The following ST3GAL4 variants were observed in gnomAD, a reference collection of about 807,000 sequenced individuals.
The protein encoded by ST3GAL4 is ST3 beta-galactoside alpha-2,3-sialyltransferase 4.
ST3GAL4 carries 24 observed loss-of-function variants against 42.6 expected under a neutral mutation model. The ratio of observed to expected loss-of-function variants is 0.56; its 90% CI spans 0.41 to 0.79. ST3GAL4 has a LOEUF of 0.79. ST3GAL4 is among the 30% of genes least tolerant of loss of function. The probability of loss-of-function intolerance (pLI) is 0.00; values close to 1 mark genes in which losing one functional copy is unlikely to be tolerated. For missense variants in ST3GAL4, 311 were observed against 430.8 expected, an observed-to-expected ratio of 0.72 and a Z score of 2.46; for synonymous variants, 135 against 163.2, an observed-to-expected ratio of 0.83 and a Z score of 1.32.
chr11:126,404,189 T>C (rs2135533575), intron 1 of ST3GAL4, among the ~76,000 whole-genome samples: 1 of 152,256 alleles, frequency 6.6e-6, no homozygotes, highest in African/African-American at 2.4e-5. Flanking sequence ...GATTCTGATT[T>C]TATAGGTCTG....
rs1380732006 is a variant in ST3GAL4 at position 126,398,061 on chromosome 11, T to TA, written c.-60-8033dup. ...GTAGAATACATTTGCTTCTTACCTA[T>TA]AATCCCAAATTCTTATTTGTTTCAG... On this transcript the variant is annotated intron_variant, in intron 1 of 10. Transcript: ENST00000444328. This position sits in a 1 kb window ranked among gnomAD's most constrained non-coding sequence, Gnocchi z 4.7. 6.6e-6 allele frequency among the ~76,000 whole-genome samples: 1 copy of TA among 152,228 alleles called. No homozygotes were observed. Among genetic ancestry groups the TA allele is most frequent in the East Asian group, 1.9e-4 (1 of 5,200 alleles).
intron 1 of ST3GAL4, among the ~76,000 whole-genome samples, chr11:126,374,537 T>G (rs1481688865): frequency 2.6e-5 from 4 of 150,956 alleles, no homozygotes. Flanking sequence ...CGGAAAAGCA[T>G]TCTTGACTGA....
chr11:126,405,292 C>G (rs1055690900), intron 1 of ST3GAL4, among the ~76,000 whole-genome samples: 2 of 152,220 alleles, frequency 1.3e-5, no homozygotes, highest in East Asian at 1.9e-4. Context: ...TGTGAGGAAG[C>G]CTCTGCTTGT....
intron 9 of ST3GAL4, among the ~76,000 whole-genome samples, chr11:126,412,658 G>A (rs1954582015): frequency 6.6e-6 from 1 of 152,196 alleles, no homozygotes; most frequent in African/African-American, 2.4e-5. Flanking sequence ...CCTGGGCAAC[G>A]TGGTGAAACC....
At position 126,397,112 on chromosome 11, in the gene ST3GAL4, C is replaced by G. The variant is rs964687790; in HGVS notation, c.-60-8984C>G. On this transcript the variant is annotated intron_variant, in intron 1 of 10. Coordinates refer to ENST00000444328, the MANE Select transcript of ST3GAL4 (RefSeq NM_001254757.2). This position sits in a 1 kb window ranked among gnomAD's most constrained non-coding sequence, Gnocchi z 5.0. ...CAGAGATTGAGAGATCCTGGTTTCG[C>G]GTTTTGAGCGTGCAGTACATTTCAG... Among the ~76,000 whole-genome samples the G allele has an allele frequency of 6.6e-6, 1 of 152,050 alleles. No individual in the cohort carries two copies. The highest frequency in any genetic ancestry group is 2.4e-5 in the African/African-American group (1 of 41,318).
rs769805063 is a variant in ST3GAL4, at chr11:126,379,540, C to T, written c.-61+23698C>T. ...TTGCCCAGGCTGCAGTGCAGTGGCA[C>T]GATCTTGGCTCACTGCAACCTCCAC... is the stretch of plus-strand genomic sequence containing the variant. On this transcript the variant is annotated intron_variant, in intron 1 of 10. Transcript: ENST00000444328. The surrounding 1 kb of genome is among the most constrained non-coding windows in gnomAD (Gnocchi z 4.2). Among the ~76,000 whole-genome samples the T allele has an allele frequency of 2.0e-5, 3 of 152,084 alleles. No homozygotes were observed. The highest frequency in any genetic ancestry group is 2.4e-5 in the African/African-American group (1 of 41,400).
In ST3GAL4 at chr11:126,379,468, T is replaced by G. The variant is rs959392732; in HGVS notation, c.-61+23626T>G. On this transcript the variant is annotated intron_variant, in intron 1 of 10. Transcript: ENST00000444328. This position sits in a 1 kb window ranked among gnomAD's most constrained non-coding sequence, Gnocchi z 4.2. Reference sequence around the variant, plus strand: ...GATTTCTCTTGGGTATCCTTAATTTTGTTTTTATATTATTATTATTATTAT... The same window carrying G: ...GATTTCTCTTGGGTATCCTTAATTTGGTTTTTATATTATTATTATTATTAT... 6.6e-6 allele frequency among the ~76,000 whole-genome samples: 1 copy of G among 152,174 alleles called. No homozygotes were observed. Among genetic ancestry groups the G allele is most frequent in the Non-Finnish European group, 1.5e-5 (1 of 68,042 alleles).
intron 1 of ST3GAL4, among the ~76,000 whole-genome samples, chr11:126,390,510 G>A (rs1432627594): frequency 6.6e-6 from 1 of 151,620 alleles, no homozygotes; most frequent in Non-Finnish European, 1.5e-5. Context: ...GTGGAAATGA[G>A]ATTTGGTTTT....
intron 1 of ST3GAL4, among the ~76,000 whole-genome samples, chr11:126,370,484 A>AT (rs1487724135): frequency 1.3e-5 from 2 of 152,176 alleles, no homozygotes; most frequent in African/African-American, 4.8e-5. Context: ...GTAGACTTGC[A>AT]TGAGTATGTT....
chr11:126,368,295 A>G (rs78532575), intron 1 of ST3GAL4, among the ~76,000 whole-genome samples: 1 of 152,092 alleles, frequency 6.6e-6, no homozygotes, highest in Admixed American at 6.6e-5. Context: ...ATCAGGAGTC[A>G]GTGACCAGCC....
rs971189268 is a variant in ST3GAL4 at position 126,398,647 on chromosome 11, G to A, written c.-60-7449G>A. On this transcript the variant is annotated intron_variant, in intron 1 of 10. Coordinates refer to ENST00000444328, the MANE Select transcript of ST3GAL4 (RefSeq NM_001254757.2). The surrounding 1 kb of genome is among the most constrained non-coding windows in gnomAD (Gnocchi z 4.7). The stretch of plus-strand genomic sequence containing the variant: ...GGCATTGCCCTACAGGGGCTCCCTG[G>A]TGGTGGCTCTGACCCTGCAACCAGT... Among the ~76,000 whole-genome samples, 2 of 152,246 alleles carry A rather than the reference G, an allele frequency of 1.3e-5. No homozygotes were observed. Among genetic ancestry groups the A allele is most frequent in the Non-Finnish European group, 2.9e-5 (2 of 68,040 alleles).
chr11:126,398,309 C>T lies in ST3GAL4; in HGVS notation c.-60-7787C>T, dbSNP rs1376225850. Among the ~76,000 whole-genome samples, 1 of 152,242 alleles carries T rather than the reference C, an allele frequency of 6.6e-6. No homozygotes were observed. Among genetic ancestry groups the T allele is most frequent in the Admixed American group, 6.5e-5 (1 of 15,288 alleles). On this transcript the variant is annotated intron_variant, in intron 1 of 10. Transcript: ENST00000444328. The surrounding 1 kb of genome is among the most constrained non-coding windows in gnomAD (Gnocchi z 4.7). ...AAGGGGCAACTGGTCCAGACAACTC[C>T]AGAACCCAGCAGGGGGAACAATACC...
chr11:126,402,363 C>T (rs1210024951), intron 1 of ST3GAL4, among the ~76,000 whole-genome samples: 8 of 148,614 alleles, frequency 5.4e-5, no homozygotes, highest in East Asian at 2.0e-4. Flanking sequence ...GGCTGAGGCA[C>T]GAGAATCATT....
At chr11:126,356,861 GAC>G (rs751228564) in intron 1 of ST3GAL4, among the ~76,000 whole-genome samples, 6 of 152,230 alleles carry the variant, frequency 3.9e-5, no homozygotes, top group African/African-American at 7.2e-5. Context: ...TCTCACAAGA[GAC>G]ACACACCCGT....
At position 126,407,250 on chromosome 11, in the gene ST3GAL4, A is replaced by G; in HGVS notation, c.183-2A>G. On this transcript the variant is annotated splice_acceptor_variant, in intron 4 of 10. Transcript: ENST00000444328. LOFTEE classifies it high-confidence loss of function. ...CCCCACCCGGCTTTCACCTCTGTGC[A>G]GCTACTCCCGGGATCAGCCCATCTT... The G allele has an allele frequency of 6.2e-7, 1 of 1,614,180 alleles. No individual in the cohort carries two copies. Among genetic ancestry groups the G allele is most frequent in the Non-Finnish European group, 8.5e-7 (1 of 1,180,008 alleles).
chr11:126,408,912 C>T (rs146509173), intron 8 of ST3GAL4: 57 of 396,084 alleles, frequency 1.4e-4, no homozygotes, highest in African/African-American at 7.7e-4. Context: ...CTTTGCCATC[C>T]GGTCACAGGC....
intron 4 of ST3GAL4, 60 bp downstream of exon 4, chr11:126,407,083 T>A: frequency 6.4e-7 from 1 of 1,554,594 alleles, no homozygotes; most frequent in Non-Finnish European, 8.9e-7. Context: ...GATTGAGGGT[T>A]TCACAGTGTG....
rs1954202651 is a variant in ST3GAL4, at chr11:126,405,814, G to A, written c.-60-282G>A. 6.6e-6 allele frequency: 3 copies of A among 455,216 alleles called. No individual in the cohort carries two copies. The South Asian group carries it at 7.7e-5, about 12-fold the overall frequency. The allele number at this position is 455,216 out of a possible 1,614,324, so 28.2% of individuals were successfully genotyped here. ...AGATGGTGAGAAGAACCACACCAGA[G>A]AGGCTGGAGTAGGCCAGCCTGGCTT... On this transcript the variant is annotated intron_variant, in intron 1 of 10. Coordinates refer to ENST00000444328, the MANE Select transcript of ST3GAL4 (RefSeq NM_001254757.2).
At position 126,406,240 on chromosome 11, in the gene ST3GAL4, G is replaced by A. The variant is rs1954223866; in HGVS notation, c.16+69G>A. 6.4e-7 allele frequency: 1 copy of A among 1,550,768 alleles called. No homozygotes were observed. Among genetic ancestry groups the A allele is most frequent in the African/African-American group, 1.4e-5 (1 of 73,154 alleles). ...CAGAAGCCGTCTTCAGCAGGATCCT[G>A]GGACCTCTGGGGGCTGTGGAGGGAC... On this transcript the variant is annotated intron_variant, in intron 2 of 10. Transcript: ENST00000444328. This position sits in a 1 kb window ranked among gnomAD's most constrained non-coding sequence, Gnocchi z 5.4.
Sources: allele counts gnomAD v4.1 joint callset (sites outside exome capture counted in the v4.1 genomes callset), GRCh38; gene constraint gnomAD v4.1.1; non-coding constraint Gnocchi (gnomAD v3.1); transcripts MANE v1.5; gene names NCBI Gene and HGNC (gene_info 2026-07-23, HGNC 2026-07-21).